LARP1B: variants seen among roughly 807,000 people sequenced by gnomAD.
LARP1B encodes the protein La ribonucleoprotein 1B.
A neutral mutation model predicts 114.2 loss-of-function variants in LARP1B; 76 were observed. The ratio of observed to expected loss-of-function variants is 0.67; its 90% CI spans 0.55 to 0.81. LARP1B has a LOEUF of 0.81. LARP1B is among the 30% of genes least tolerant of loss of function. The probability of loss-of-function intolerance (pLI) is 0.00; values close to 1 mark genes in which losing one functional copy is unlikely to be tolerated. For missense variants in LARP1B, 1,014 were observed against 1,075.8 expected (o/e 0.94, Z 0.80); for synonymous variants, 345 against 348.0 (o/e 0.99, Z 0.10).
intron 7 of LARP1B, chr4:128,092,736 G>T: frequency 1.0e-6 from 1 of 985,006 alleles, no homozygotes; most frequent in East Asian, 1.1e-4. Context: ...CTTACAGTGT[G>T]GAGCAACTTG....
intron 18 of LARP1B, 57 bp downstream of exon 18, chr4:128,206,594 T>C (rs1203169509): frequency 6.4e-7 from 1 of 1,550,804 alleles, no homozygotes; most frequent in Non-Finnish European, 8.7e-7. Context: ...CCTGAGTCTG[T>C]CAGTAAATAG....
chr4:128,075,538 CTTTCT>C (rs1767480370), intron 3 of LARP1B, among the ~76,000 whole-genome samples: 1 of 150,752 alleles, frequency 6.6e-6, no homozygotes, highest in Non-Finnish European at 1.5e-5. Context: ...TTATTTCTTT[CTTTCT>C]TTTCTTTTTT....
downstream of LARP1B, among the ~76,000 whole-genome samples, chr4:128,213,641 A>G (rs1351900348): frequency 2.0e-5 from 3 of 152,222 alleles, no homozygotes; most frequent in Non-Finnish European, 4.4e-5. Flanking sequence ...GAAAGTCCCT[A>G]CAGACCTTAG....
At chr4:128,100,651 T>C (rs1023527455) in intron 8 of LARP1B, among the ~76,000 whole-genome samples, 7 of 152,196 alleles carry the variant, frequency 4.6e-5, no homozygotes, top group African/African-American at 1.7e-4. Context: ...CTGCATACCT[T>C]ATTAGTGGAA....
chr4:128,067,348 G>C (rs906696964), intron 1 of LARP1B, among the ~76,000 whole-genome samples: 5 of 152,144 alleles, frequency 3.3e-5, no homozygotes, highest in Non-Finnish European at 1.5e-5. Context: ...CTGTTACTCT[G>C]TTAATGAGGT....
intron 9 of LARP1B, among the ~76,000 whole-genome samples, chr4:128,112,084 CA>C (rs1784310864): frequency 6.6e-6 from 1 of 151,958 alleles, no homozygotes; most frequent in South Asian, 2.1e-4. Flanking sequence ...TATAACTAGA[CA>C]ATTAATGTTC....
At chr4:128,066,803 T>C (rs933371930) in intron 1 of LARP1B, among the ~76,000 whole-genome samples, 3 of 147,564 alleles carry the variant, frequency 2.0e-5, no homozygotes, top group Non-Finnish European at 3.0e-5. Context: ...TGCCATTTTT[T>C]TTTTTTTTTT....
At chr4:128,122,729 A>G in intron 11 of LARP1B, 1 of 1,256,152 alleles carries the variant, frequency 8.0e-7, no homozygotes, top group Non-Finnish European at 1.0e-6. Flanking sequence ...CTCTTGGTCT[A>G]GTCATTACTG....
At chr4:128,097,213 T>C (rs1233196146) in intron 7 of LARP1B, among the ~76,000 whole-genome samples, 2 of 152,144 alleles carry the variant, frequency 1.3e-5, no homozygotes, top group South Asian at 2.1e-4. Context: ...TAATGTCTTA[T>C]GGTCTGTCTA....
chr4:128,091,083 C>A lies in LARP1B; in HGVS notation c.441C>A (p.Ser147=). Reference sequence around the variant, plus strand: ...GTGAGGGTGGTAATATCCGAGGTTCCTTTAGAGGTCGAGGAAGAGGCCGAG... The same window carrying A: ...GTGAGGGTGGTAATATCCGAGGTTCATTTAGAGGTCGAGGAAGAGGCCGAG... The part of the protein sequence containing the change: ...VRSEGGNIRG[S]FRGRGRGRGR... Residue 147 remains serine, a synonymous_variant, in exon 6 of 20, where the codon TCC becomes TCA. Transcript: ENST00000326639. 1 of 1,613,806 alleles carries A rather than the reference C, an allele frequency of 6.2e-7. No homozygotes were observed. Among genetic ancestry groups the A allele is most frequent in the Admixed American group, 1.7e-5 (1 of 60,002 alleles).
chr4:128,170,202 A>T (rs1335117121), intron 12 of LARP1B, among the ~76,000 whole-genome samples: 1 of 152,190 alleles, frequency 6.6e-6, no homozygotes, highest in East Asian at 1.9e-4. Flanking sequence ...AAAATTTAAA[A>T]TTAATTTGTT....
intron 1 of LARP1B, chr4:128,069,617 G>A (rs1764412607): frequency 1.5e-6 from 1 of 663,696 alleles, no homozygotes; most frequent in Non-Finnish European, 2.7e-6. Context: ...CCCCATCTTG[G>A]CTTACCTGAT....
At chr4:128,190,673 T>A (rs1297971437) in intron 15 of LARP1B, among the ~76,000 whole-genome samples, 1 of 152,074 alleles carries the variant, frequency 6.6e-6, no homozygotes, top group African/African-American at 2.4e-5. Context: ...GGTGCCTGCT[T>A]CCCCTCCCAC....
At chr4:128,162,354 T>C in intron 12 of LARP1B, 37 bp downstream of exon 12, 1 of 1,564,284 alleles carries the variant, frequency 6.4e-7, no homozygotes, top group Non-Finnish European at 8.7e-7. Context: ...GTCTGAATAG[T>C]ATTAAAGCAG....
chr4:128,083,436 G>A (rs1276382977), intron 5 of LARP1B, among the ~76,000 whole-genome samples: 1 of 150,304 alleles, frequency 6.7e-6, no homozygotes, highest in Non-Finnish European at 1.5e-5. Flanking sequence ...GCGGCTGGCC[G>A]GGCAGGGGGC....
chr4:128,138,367 A>T (rs1039418426), intron 11 of LARP1B, among the ~76,000 whole-genome samples: 7 of 152,236 alleles, frequency 4.6e-5, no homozygotes, highest in African/African-American at 1.7e-4. Context: ...TATAACTTCA[A>T]AATGGAGTGG....
At chr4:128,188,497 C>T (rs1438543361) in intron 15 of LARP1B, among the ~76,000 whole-genome samples, 2 of 152,134 alleles carry the variant, frequency 1.3e-5, no homozygotes, top group East Asian at 1.9e-4. Context: ...TTGTTTTAGT[C>T]TCAATTTTAT....
intron 11 of LARP1B, chr4:128,155,762 G>GGA: frequency 6.2e-7 from 1 of 1,605,954 alleles, no homozygotes; most frequent in Non-Finnish European, 8.5e-7. Context: ...TGTAGGAACT[G>GGA]GAGGAAGGAA....
intron 15 of LARP1B, among the ~76,000 whole-genome samples, chr4:128,186,140 GAATT>G (rs2150739665): frequency 6.6e-6 from 1 of 152,068 alleles, no homozygotes; most frequent in East Asian, 1.9e-4. Flanking sequence ...TTTTTGCCCA[GAATT>G]AATTTGATTT....
Sources: gnomAD v4.1 joint callset for allele counts (sites outside exome capture counted in the v4.1 genomes callset) on GRCh38, gnomAD v4.1.1 for gene constraint, MANE v1.5 for transcripts, NCBI Gene and HGNC (gene_info 2026-07-23, HGNC 2026-07-21) for gene names.